The following SLC12A5 variants were observed in gnomAD, a reference collection of about 807,000 sequenced individuals.
The protein encoded by SLC12A5 is solute carrier family 12 member 5.
Under a neutral mutation model 124.0 loss-of-function variants are expected in SLC12A5, and 18 were observed. The ratio of observed to expected loss-of-function variants is 0.15; its 90% CI spans 0.10 to 0.22. SLC12A5 has a LOEUF of 0.22. Ranked by LOEUF, SLC12A5 falls within the 10% of genes least tolerant of loss-of-function variation. The pLI is 1.00. For synonymous variants in SLC12A5, 589 were observed against 568.0 expected, an observed-to-expected ratio of 1.04 and a Z score of -0.53; for missense variants, 867 against 1,478.7, an observed-to-expected ratio of 0.59 and a Z score of 6.78.
intron 14 of SLC12A5, among the ~76,000 whole-genome samples, chr20:46,046,767 T>C (rs74934070): frequency 0.03 from 4,617 of 152,318 alleles, 164 homozygotes; most frequent in Admixed American, 0.11. Context: ...AGCTGTGAGA[T>C]CTTGGGCTGA....
chr20:46,049,532 G>C, intron 16 of SLC12A5, 90 bp from the exon 17 acceptor site: 1 of 1,480,640 alleles, frequency 6.8e-7, no homozygotes, highest in East Asian at 2.5e-5. Context: ...TTATAGAGGA[G>C]AGATGGCTAG....
chr20:46,030,316 C>T (rs749409949), intron 1 of SLC12A5, among the ~76,000 whole-genome samples: 41 of 152,214 alleles, frequency 2.7e-4, no homozygotes, highest in Non-Finnish European at 2.4e-4. Flanking sequence ...GCGACGCGGA[C>T]ACTGCGGACG....
At position 46,045,937 on chromosome 20, in the gene SLC12A5, C is replaced by T. The variant is rs1394621129; in HGVS notation, c.1629C>T (p.Cys543=). 1.9e-6 allele frequency: 3 copies of T among 1,614,072 alleles called. No individual in the cohort carries two copies. The highest frequency in any genetic ancestry group is 1.3e-5 in the African/African-American group (1 of 74,930). ...CCTGGGCCCTGCTCCTGACTGCCTGCATCTGCGAGATTGGCATCCTCATTG... is the reference window on the plus strand; with the variant it reads ...CCTGGGCCCTGCTCCTGACTGCCTGTATCTGCGAGATTGGCATCCTCATTG... The part of the protein sequence containing the change: ...EPTWALLLTA[C]ICEIGILIAS... Residue 543 remains cysteine (C), a synonymous_variant, in exon 13 of 26, where the codon TGC becomes TGT. Coordinates refer to ENST00000243964, the MANE Select transcript of SLC12A5 (RefSeq NM_020708.5). The surrounding 1 kb of genome is among the most constrained non-coding windows in gnomAD (Gnocchi z 4.9).
At chr20:46,023,732 C>T (rs147521371), downstream of SLC12A5, 214 of 294,350 alleles carry the variant, frequency 7.3e-4, no homozygotes, top group African/African-American at 4.4e-3. Flanking sequence ...TTCGGCCCAC[C>T]CACTGCACCC....
upstream of SLC12A5, chr20:46,029,096 G>A (rs1027968471): frequency 2.8e-5 from 37 of 1,306,504 alleles, no homozygotes; most frequent in Non-Finnish European, 3.6e-5. Context: ...CCAAAACCCC[G>A]CCAGTGGCTC....
upstream of SLC12A5, among the ~76,000 whole-genome samples, chr20:46,026,165 A>G (rs570245883): frequency 6.6e-6 from 1 of 152,294 alleles, no homozygotes; most frequent in African/African-American, 2.4e-5. Flanking sequence ...AATTTATAAT[A>G]TCTCTTCCAG....
rs1475701538 is a variant in SLC12A5 at position 46,053,105 on chromosome 20, C to T, written c.2526C>T (p.Pro842=). 6.2e-7 allele frequency: 1 copy of T among 1,610,506 alleles called. No individual in the cohort carries two copies. Among genetic ancestry groups the T allele is most frequent in the Admixed American group, 1.7e-5 (1 of 59,946 alleles). The change falls in exon 19 of 26, where the codon CCC becomes CCT. Residue 842 remains proline, a synonymous_variant. Coordinates refer to ENST00000243964, the MANE Select transcript of SLC12A5 (RefSeq NM_020708.5). This position sits in a 1 kb window ranked among gnomAD's most constrained non-coding sequence, Gnocchi z 4.7. ...VHDGGMLMLL[P]FLLRHHKVWR... is the part of the protein sequence containing the mutation. The stretch of plus-strand genomic sequence containing the variant: ...ATGGAGGCATGCTCATGCTGCTGCC[C>T]TTCCTGCTGCGGCACCACAAGGTGA...
At position 46,041,568 on chromosome 20, in the gene SLC12A5, C is replaced by G. The variant is rs763630888; in HGVS notation, c.1066+28C>G. The stretch of plus-strand genomic sequence containing the variant: ...CTGCGGAGGGACAAGGGCTGGCATC[C>G]AGGGAACGCTGCAGGGATTGTAGGT... On this transcript the variant is annotated intron_variant, in intron 8 of 25. Transcript: ENST00000243964. 3 of 1,610,726 alleles carry G rather than the reference C, an allele frequency of 1.9e-6. No homozygotes were observed. In the Admixed American group the frequency reaches 5.0e-5, roughly 27 times the overall value.
intron 15 of SLC12A5, 82 bp from the exon 16 acceptor site, chr20:46,047,898 TG>T: frequency 1.5e-6 from 2 of 1,305,620 alleles, no homozygotes; most frequent in Non-Finnish European, 1.1e-6. Context: ...GGCTCTGCCC[TG>T]GGGTAGCTGG....
chr20:46,058,131 G>A lies in SLC12A5; in HGVS notation c.*526G>A, dbSNP rs2084714230. 3 of 203,730 alleles carry A rather than the reference G, an allele frequency of 1.5e-5. No homozygotes were observed. Among genetic ancestry groups the A allele is most frequent in the Non-Finnish European group, 2.9e-5 (3 of 102,426 alleles). 12.6% of individuals were successfully genotyped at this position (203,730 alleles called of 1,614,324 possible). A position where few individuals can be genotyped will look rare whatever the true frequency, so the allele number is the denominator to read the frequency against. On this transcript the variant is annotated 3_prime_UTR_variant, in exon 26 of 26. Transcript: ENST00000243964. This position sits in a 1 kb window ranked among gnomAD's most constrained non-coding sequence, Gnocchi z 5.8. The stretch of plus-strand genomic sequence containing the variant: ...GGCCGAGCCTATACATAGTGTACAG[G>A]AGACATCGCGTGTATTTTTAACGTC...
rs888977797 is a variant in SLC12A5 at position 46,053,650 on chromosome 20, G to C, written c.2620G>C (p.Asp874His). Residue 874 changes from aspartate (D) to histidine (H), a missense_variant, in exon 20 of 26, where the codon GAT becomes CAT. This residue lies in a region of SLC12A5 where 70 missense variants were observed against 157.2 expected (regional missense o/e 0.45). Coordinates refer to ENST00000243964, the MANE Select transcript of SLC12A5 (RefSeq NM_020708.5). The surrounding 1 kb of genome is among the most constrained non-coding windows in gnomAD (Gnocchi z 4.7). ...TGACAATAGCATCCAGATGAAGAAG[G>C]ATCTGACCACATTTCTGTATCATTT... The part of the protein sequence containing the change: ...MDDNSIQMKK[D>H]LTTFLYHLRI... 2 of 1,613,648 alleles carry C rather than the reference G, an allele frequency of 1.2e-6. No individual in the cohort carries two copies. Among genetic ancestry groups the C allele is most frequent in the African/African-American group, 2.7e-5 (2 of 74,918 alleles).
At chr20:46,041,278 G>C (rs757914549) in intron 7 of SLC12A5, 51 bp from the exon 8 acceptor site, 2 of 1,550,364 alleles carry the variant, frequency 1.3e-6, no homozygotes, top group South Asian at 1.1e-5. Context: ...ATTGTGCAGC[G>C]AGGGCAAGGT....
chr20:46,035,833 T>C lies in SLC12A5; in HGVS notation c.336T>C (p.Phe112=). ...GVYLPCLQNI[F]GVILFLRLTW... is the part of the protein sequence containing the mutation. ...ACCTGCCGTGCCTGCAGAACATCTT[T>C]GGCGTCATCCTCTTCCTGCGGCTCA... The change falls in exon 4 of 26, where the codon TTT becomes TTC. Residue 112 remains phenylalanine, a synonymous_variant. Coordinates refer to ENST00000243964, the MANE Select transcript of SLC12A5 (RefSeq NM_020708.5). 1 of 1,614,154 alleles carries C rather than the reference T, an allele frequency of 6.2e-7. No individual in the cohort carries two copies. The highest frequency in any genetic ancestry group is 8.5e-7 in the Non-Finnish European group (1 of 1,179,986).
chr20:46,047,308 G>A (rs922684356), intron 14 of SLC12A5, 146 bp from the exon 15 acceptor site: 3 of 1,008,216 alleles, frequency 3.0e-6, no homozygotes, highest in African/African-American at 3.2e-5. Flanking sequence ...GTCCTCATGG[G>A]GATGATGGTG....
In SLC12A5 at chr20:46,041,451, T is replaced by G; in HGVS notation, c.977T>G (p.Phe326Cys). ...RLWGLFCSSR[F>C]LNATCDEYFT... ...TGGGGCCTTTTCTGCTCCTCTCGCT[T>G]CCTCAACGCCACCTGTGATGAATAC... The change falls in exon 8 of 26, where the codon TTC becomes TGC. Residue 326 changes from phenylalanine to cysteine, a missense_variant. Around this residue, in one of 9 missense-constraint regions of SLC12A5, gnomAD observed 127 missense variants for 164.1 expected, o/e 0.77. Transcript: ENST00000243964. The G allele has an allele frequency of 6.2e-7, 1 of 1,614,106 alleles. No individual in the cohort carries two copies. The highest frequency in any genetic ancestry group is 8.5e-7 in the Non-Finnish European group (1 of 1,180,010).
rs754436931 is a variant in SLC12A5, at chr20:46,037,404, G to T, written c.612+19G>T. On this transcript the variant is annotated intron_variant, in intron 6 of 25. Coordinates refer to ENST00000243964, the MANE Select transcript of SLC12A5 (RefSeq NM_020708.5). ...CCTGCTGGTAAGAGAGGCTGAGGAG[G>T]AGGTGTGGAACCCCAGGTTGTCAGT... 6.2e-7 allele frequency: 1 copy of T among 1,600,140 alleles called. No individual in the cohort carries two copies. The highest frequency in any genetic ancestry group is 8.5e-7 in the Non-Finnish European group (1 of 1,172,126).
intron 14 of SLC12A5, 117 bp downstream of exon 14, chr20:46,046,553 C>T (rs2084597216): frequency 1.2e-6 from 1 of 811,296 alleles, no homozygotes; most frequent in South Asian, 1.7e-5. Flanking sequence ...AGAGGACATC[C>T]TTTTTTCTCC....
Position 46,043,702 on chromosome 20 carries a change from T to C in SLC12A5, c.1307T>C (p.Ile436Thr). The C allele has an allele frequency of 1.2e-6, 2 of 1,614,188 alleles. No homozygotes were observed. The highest frequency in any genetic ancestry group is 1.7e-6 in the Non-Finnish European group (2 of 1,180,032). The change falls in exon 10 of 26, where the codon ATC (isoleucine) becomes ACC (threonine). Residue 436 changes from isoleucine (I) to threonine (T), a missense_variant. Transcript: ENST00000243964. ...DAQKSIPTGT[I>T]LAIATTSAVY... ...CAGAAGTCAATCCCCACTGGCACCA[T>C]CCTGGCCATCGCCACCACCTCTGCT...
chr20:46,027,216 T>G (rs911807518), upstream of SLC12A5, among the ~76,000 whole-genome samples: 2 of 152,160 alleles, frequency 1.3e-5, no homozygotes, highest in Non-Finnish European at 2.9e-5. Flanking sequence ...TTTTGGTGGT[T>G]TTTTTCTCTG....
Sources: gnomAD v4.1 joint callset for allele counts (sites outside exome capture counted in the v4.1 genomes callset) on GRCh38, gnomAD v4.1.1 for gene constraint, gnomAD v4.1.1 regional missense constraint, Gnocchi (gnomAD v3.1) non-coding constraint, MANE v1.5 for transcripts, NCBI Gene and HGNC (gene_info 2026-07-23, HGNC 2026-07-21) for gene names.